The following GAS2 variants were observed in gnomAD, a reference collection of about 807,000 sequenced individuals.
GAS2 encodes growth arrest-specific protein 2.
Under a neutral mutation model 37.5 loss-of-function variants are expected in GAS2, and 20 were observed. That is an observed-to-expected ratio of 0.53 (90% confidence interval 0.37 to 0.77). GAS2 has a LOEUF of 0.77. GAS2 is among the 30% of genes least tolerant of loss of function. GAS2 has a pLI of 0.00. For missense variants in GAS2, 336 were observed against 373.4 expected (o/e 0.90, Z 0.82); for synonymous variants, 144 against 132.2 (o/e 1.09, Z -0.61).
chr11:22,756,433 T>C (rs2173513), intron 7 of GAS2, among the ~76,000 whole-genome samples: 23,367 of 152,086 alleles, frequency 0.15, 1,906 homozygotes, highest in East Asian at 0.2. Flanking sequence ...TTAAAAAAGC[T>C]ATATTCTTTC....
chr11:22,724,917 A>AT (rs906920015), intron 3 of GAS2, among the ~76,000 whole-genome samples: 157 of 149,304 alleles, frequency 1.1e-3, no homozygotes, highest in Middle Eastern at 3.4e-3. Flanking sequence ...CTAAGCCACT[A>AT]TTTTTTTTTT....
Position 22,812,063 on chromosome 11 carries a change from C to G in GAS2, c.*47C>G. 1 of 1,350,232 alleles carries G rather than the reference C, an allele frequency of 7.4e-7. No homozygotes were observed. 83.6% of individuals were successfully genotyped at this position (1,350,232 alleles called of 1,614,324 possible). On this transcript the variant is annotated 3_prime_UTR_variant, in exon 8 of 8. Coordinates refer to ENST00000454584, the MANE Select transcript of GAS2 (RefSeq NM_001143830.3). ...GGACCCTCATAATGGCCTGTATCCA[C>G]TTCTCCAGTATAGTCAGTTTAGTTC... is the stretch of plus-strand genomic sequence containing the variant.
rs780624984 is a variant in GAS2, at chr11:22,755,960, T to C, written c.723+7T>C. 1 of 1,578,030 alleles carries C rather than the reference T, an allele frequency of 6.3e-7. No homozygotes were observed. The highest frequency in any genetic ancestry group is 1.3e-5 in the African/African-American group (1 of 74,104). On this transcript the variant is annotated splice_region_variant and intron_variant, in intron 7 of 7. Coordinates refer to ENST00000454584, the MANE Select transcript of GAS2 (RefSeq NM_001143830.3). ...AAAGATCCTCTTCATTAGGGTAAAG[T>C]TTTACTTTTCACTTATCTTGTTTTT...
intron 5 of GAS2, among the ~76,000 whole-genome samples, chr11:22,739,737 A>T (rs1035854991): frequency 1.3e-4 from 19 of 151,948 alleles, no homozygotes. Flanking sequence ...ACAGACAAAA[A>T]ACTTTTTTTT....
chr11:22,687,231 G>A (rs1427089359), intron 3 of GAS2, among the ~76,000 whole-genome samples: 1 of 152,078 alleles, frequency 6.6e-6, no homozygotes, highest in Admixed American at 6.6e-5. Context: ...GGAAACTGAG[G>A]CGGCAGGTTC....
Position 22,655,845 on chromosome 11 carries a change from A to T in GAS2, c.-20-19005A>T, listed in dbSNP as rs367570262. ...TCTATGTGTCTAGATGGGCCTGAAA[A>T]TTAGCACAATATTTAAGGATTAGTA... On this transcript the variant is annotated intron_variant, in intron 1 of 5. Coordinates refer to the GAS2 transcript ENST00000528582. Among the ~76,000 whole-genome samples the T allele has an allele frequency of 2.6e-5, 4 of 152,204 alleles. No individual in the cohort carries two copies. The East Asian group carries it at 7.7e-4, about 29-fold the overall frequency.
rs144141921 is a variant in GAS2, at chr11:22,804,089, C to T, written c.724-7709C>T. Among the ~76,000 whole-genome samples, 1,003 of 152,102 alleles carry T rather than the reference C, an allele frequency of 6.6e-3. 7 individuals carry two copies. The highest frequency in any genetic ancestry group is 0.019 in the African/African-American group (794 of 41,480). On this transcript the variant is annotated intron_variant, in intron 7 of 7. Coordinates refer to ENST00000454584, the MANE Select transcript of GAS2 (RefSeq NM_001143830.3). ...AAGGAGATGACCATGGAAGATTTTC[C>T]AGTTGGGGGTGATGTTTTGAACATC...
rs569951886 is a variant in GAS2, at chr11:22,711,125, G to C, written c.268-15167G>C. On this transcript the variant is annotated intron_variant, in intron 3 of 7. Transcript: ENST00000454584. Reference sequence around the variant, plus strand: ...CAGCTTGCTTCTGCAAATGCCATTAGACAGCTGAAAAAACTATGAGTTCCC... The same window carrying C: ...CAGCTTGCTTCTGCAAATGCCATTACACAGCTGAAAAAACTATGAGTTCCC... Among the ~76,000 whole-genome samples, 164 of 152,238 alleles carry C rather than the reference G, an allele frequency of 1.1e-3. 1 individual carries two copies. The highest frequency in any genetic ancestry group is 3.8e-3 in the African/African-American group (159 of 41,556).
chr11:22,746,573 C>T (rs1329836882), intron 5 of GAS2, among the ~76,000 whole-genome samples: 1 of 152,070 alleles, frequency 6.6e-6, no homozygotes, highest in Non-Finnish European at 1.5e-5. Context: ...AGCTGAAGGC[C>T]ATTATCTTAA....
chr11:22,673,080 G>T (rs185162283), intron 1 of GAS2, among the ~76,000 whole-genome samples: 1 of 151,870 alleles, frequency 6.6e-6, no homozygotes, highest in Non-Finnish European at 1.5e-5. Flanking sequence ...AAAATTACTC[G>T]ACAGTAATTT....
At chr11:22,676,002 G>GTATT (rs747328794) in intron 2 of GAS2, among the ~76,000 whole-genome samples, 20 of 152,018 alleles carry the variant, frequency 1.3e-4, no homozygotes, top group Non-Finnish European at 2.8e-4. Context: ...CATGGCTTTT[G>GTATT]TATTTATTTA....
chr11:22,758,744 C>T (rs985060343), intron 7 of GAS2, among the ~76,000 whole-genome samples: 3 of 151,696 alleles, frequency 2.0e-5, no homozygotes, highest in African/African-American at 7.3e-5. Flanking sequence ...AGAAACCCCA[C>T]CTCTATTAAA....
intron 1 of GAS2, among the ~76,000 whole-genome samples, chr11:22,673,884 G>T (rs1849303990): frequency 6.6e-6 from 1 of 152,194 alleles, no homozygotes; most frequent in Non-Finnish European, 1.5e-5. Context: ...TTTTATAGAT[G>T]TAAGATATTT....
At chr11:22,672,462 A>G (rs2133877132) in intron 1 of GAS2, 1 of 152,294 alleles carries the variant, frequency 6.6e-6, no homozygotes, top group Admixed American at 6.5e-5. Context: ...GGCTTACTGT[A>G]AACTATCCCT....
At chr11:22,655,171 A>G (rs951239900) in intron 1 of GAS2, among the ~76,000 whole-genome samples, 3 of 152,104 alleles carry the variant, frequency 2.0e-5, no homozygotes, top group African/African-American at 7.2e-5. Flanking sequence ...CTAGGGCTCA[A>G]TCACTTACCT....
chr11:22,725,888 T>G (rs1489709525), intron 3 of GAS2, among the ~76,000 whole-genome samples: 4 of 152,296 alleles, frequency 2.6e-5, no homozygotes, highest in East Asian at 3.9e-4. Flanking sequence ...ATATGTTATA[T>G]GTATATCATA....
intron 7 of GAS2, among the ~76,000 whole-genome samples, chr11:22,810,222 T>C (rs1035609814): frequency 2.6e-5 from 4 of 152,008 alleles, no homozygotes; most frequent in African/African-American, 9.7e-5. Flanking sequence ...AAAACAGGAA[T>C]TAGGGAAGGG....
intron 4 of GAS2, among the ~76,000 whole-genome samples, chr11:22,729,128 A>G (rs955878291): frequency 6.6e-6 from 1 of 151,744 alleles, no homozygotes; most frequent in Non-Finnish European, 1.5e-5. Context: ...ATAAAATGAA[A>G]AGATGCTCTG....
intron 3 of GAS2, among the ~76,000 whole-genome samples, chr11:22,700,544 A>G (rs185386635): frequency 4.2e-4 from 64 of 152,306 alleles, no homozygotes; most frequent in Non-Finnish European, 1.3e-4. Context: ...GTAACAGACC[A>G]TGGGGATTTA....
Sources: allele counts gnomAD v4.1 joint callset (sites outside exome capture counted in the v4.1 genomes callset), GRCh38; gene constraint gnomAD v4.1.1; transcripts MANE v1.5; gene names NCBI Gene and HGNC (gene_info 2026-07-23, HGNC 2026-07-21).